KIRREL3: variants seen among roughly 807,000 people sequenced by gnomAD.
The protein encoded by KIRREL3 is kirre like nephrin family adhesion molecule 3.
In KIRREL3, 36 loss-of-function variants were observed where a neutral mutation model predicts 89.7. The ratio of observed to expected loss-of-function variants is 0.40; its 90% confidence interval spans 0.31 to 0.53. The LOEUF is 0.53. Among genes scored for constraint, KIRREL3 ranks in the 20% least tolerant of loss-of-function variants. The probability of loss-of-function intolerance (pLI) is 0.49; values close to 1 mark genes in which losing one functional copy is unlikely to be tolerated. For synonymous variants in KIRREL3, 445 were observed against 441.4 expected, an observed-to-expected ratio of 1.01 and a Z score of -0.10; for missense variants, 864 against 1,056.6, an observed-to-expected ratio of 0.82 and a Z score of 2.53.
At chr11:126,600,561 T>C (rs1942606874) in intron 1 of KIRREL3, among the ~76,000 whole-genome samples, 1 of 152,216 alleles carries the variant, frequency 6.6e-6, no homozygotes. Context: ...GTTGTGCATG[T>C]GCACCACCCA....
rs55885385 is a variant in KIRREL3 at position 126,511,047 on chromosome 11, CTGTGTGTG to C, written c.433+10260_433+10267del. Among the ~76,000 whole-genome samples, 9 of 142,266 alleles carry C rather than the reference CTGTGTGTG, an allele frequency of 6.3e-5. 1 individual carries two copies. Among genetic ancestry groups the C allele is most frequent in the African/African-American group, 2.2e-4 (8 of 36,688 alleles). 93.3% of individuals were successfully genotyped at this position (142,266 alleles called of 152,430 possible). ...CTGGGCTCCCTGGAGATCTGCAGTGCTGTGTGTGTGTGTGTGTGTGTGTGTGTGTTGGA... is the reference window on the plus strand; with the variant it reads ...CTGGGCTCCCTGGAGATCTGCAGTGCTGTGTGTGTGTGTGTGTGTGTTGGA... On this transcript the variant is annotated intron_variant, in intron 4 of 16. Coordinates refer to ENST00000525144, the MANE Select transcript of KIRREL3 (RefSeq NM_032531.4).
In KIRREL3 at chr11:126,844,449, G is replaced by T. The variant is rs1463116473; in HGVS notation, c.55+156006C>A. Reference sequence around the variant, plus strand: ...ACCTCCAACCCAAAGGAAATAGACTGCAGCACTGATTGGCAGATTTTGGGT... The same window carrying T: ...ACCTCCAACCCAAAGGAAATAGACTTCAGCACTGATTGGCAGATTTTGGGT... On this transcript the variant is annotated intron_variant, in intron 1 of 16. Coordinates refer to ENST00000525144, the MANE Select transcript of KIRREL3 (RefSeq NM_032531.4). This position sits in a 1 kb window ranked among gnomAD's most constrained non-coding sequence, Gnocchi z 4.8. Among the ~76,000 whole-genome samples, 2 of 152,162 alleles carry T rather than the reference G, an allele frequency of 1.3e-5. No homozygotes were observed. The highest frequency in any genetic ancestry group is 2.9e-5 in the Non-Finnish European group (2 of 68,026).
chr11:126,465,261 C>G (rs1956683907), intron 5 of KIRREL3, among the ~76,000 whole-genome samples: 1 of 152,026 alleles, frequency 6.6e-6, no homozygotes. Context: ...ATGGCAATGT[C>G]TCTAATTCTT....
chr11:126,830,790 T>C lies in KIRREL3; in HGVS notation c.55+169665A>G, dbSNP rs1033131896. Among the ~76,000 whole-genome samples the C allele has an allele frequency of 2.6e-5, 4 of 152,244 alleles. No individual in the cohort carries two copies. The highest frequency in any genetic ancestry group is 5.9e-5 in the Non-Finnish European group (4 of 68,038). The stretch of plus-strand genomic sequence containing the variant: ...TCCCTGTGCCAAGGAGGGGTATCAT[T>C]GTTTATGTCACTAATGACTACATCC... On this transcript the variant is annotated intron_variant, in intron 1 of 16. Coordinates refer to ENST00000525144, the MANE Select transcript of KIRREL3 (RefSeq NM_032531.4). The surrounding 1 kb of genome is among the most constrained non-coding windows in gnomAD (Gnocchi z 4.9).
intron 1 of KIRREL3, among the ~76,000 whole-genome samples, chr11:126,582,564 G>C (rs1306366982): frequency 6.6e-6 from 1 of 152,230 alleles, no homozygotes; most frequent in African/African-American, 2.4e-5. Flanking sequence ...TTCCACGGCA[G>C]GGACAGCTGA....
chr11:126,753,414 C>T (rs1487594005), intron 1 of KIRREL3, among the ~76,000 whole-genome samples: 4 of 152,186 alleles, frequency 2.6e-5, no homozygotes, highest in African/African-American at 9.7e-5. Context: ...CGGCCCCCTT[C>T]CTTAGATTAC....
chr11:126,815,195 G>A (rs925034186), intron 1 of KIRREL3, among the ~76,000 whole-genome samples: 2 of 152,166 alleles, frequency 1.3e-5, no homozygotes, highest in Admixed American at 1.3e-4. Context: ...GCTTTTACAA[G>A]TTCATTTCCA....
In KIRREL3 at chr11:126,940,111, C is replaced by T. The variant is rs1385388297; in HGVS notation, c.55+60344G>A. ...TTGAACAGATCATCAAATGCCCACT[C>T]CCCCAAGAAAAGAAGCAGTTTGGAC... On this transcript the variant is annotated intron_variant, in intron 1 of 16. Coordinates refer to ENST00000525144, the MANE Select transcript of KIRREL3 (RefSeq NM_032531.4). The surrounding 1 kb of genome is among the most constrained non-coding windows in gnomAD (Gnocchi z 4.6). 1.3e-5 allele frequency among the ~76,000 whole-genome samples: 2 copies of T among 152,132 alleles called. No homozygotes were observed. The highest frequency in any genetic ancestry group is 4.8e-5 in the African/African-American group (2 of 41,426).
At chr11:126,737,008 G>C (rs1016134800) in intron 1 of KIRREL3, among the ~76,000 whole-genome samples, 3 of 152,212 alleles carry the variant, frequency 2.0e-5, no homozygotes, top group Non-Finnish European at 4.4e-5. Context: ...TAGATTTCAG[G>C]GAAAAGCAAA....
At chr11:126,617,344 G>A (rs565361546) in intron 1 of KIRREL3, among the ~76,000 whole-genome samples, 1 of 152,306 alleles carries the variant, frequency 6.6e-6, no homozygotes, top group South Asian at 2.1e-4. Flanking sequence ...GAGAGAGCTG[G>A]GAATCACTAG....
Position 126,436,891 on chromosome 11 carries a change from G to T in KIRREL3, c.1472C>A (p.Ala491Asp). Residue 491 changes from alanine to aspartate, a missense_variant, in exon 12 of 17, where the codon GCC becomes GAC. Transcript: ENST00000525144. ...STLTISNIVR[A>D]DFQTIYNCTA... Reference sequence around the variant, plus strand: ...GCAGTTGTAGATGGTCTGGAAGTCGGCCCGCACGATGTTGCTGATGGTCAG... The same window carrying T: ...GCAGTTGTAGATGGTCTGGAAGTCGTCCCGCACGATGTTGCTGATGGTCAG... 1 of 1,613,630 alleles carries T rather than the reference G, an allele frequency of 6.2e-7. No individual in the cohort carries two copies. The highest frequency in any genetic ancestry group is 2.2e-5 in the East Asian group (1 of 44,880).
chr11:126,862,765 T>A (rs984087941), intron 1 of KIRREL3, among the ~76,000 whole-genome samples: 3 of 152,238 alleles, frequency 2.0e-5, no homozygotes, highest in Non-Finnish European at 4.4e-5. Flanking sequence ...AGTTCTGGCA[T>A]TCTATGAGCT....
In KIRREL3 at chr11:126,575,761, C is replaced by T. The variant is rs1941223453; in HGVS notation, c.56-12849G>A. Reference sequence around the variant, plus strand: ...GGCTGTCCTGGGGCCGCTGTTCCTTCTATCAGGGATTCTCACACCCCTCTC... The same window carrying T: ...GGCTGTCCTGGGGCCGCTGTTCCTTTTATCAGGGATTCTCACACCCCTCTC... On this transcript the variant is annotated intron_variant, in intron 1 of 16. Coordinates refer to ENST00000525144, the MANE Select transcript of KIRREL3 (RefSeq NM_032531.4). This position sits in a 1 kb window ranked among gnomAD's most constrained non-coding sequence, Gnocchi z 7.0. 6.6e-6 allele frequency among the ~76,000 whole-genome samples: 1 copy of T among 152,114 alleles called. No individual in the cohort carries two copies. The highest frequency in any genetic ancestry group is 1.5e-5 in the Non-Finnish European group (1 of 68,016).
intron 1 of KIRREL3, among the ~76,000 whole-genome samples, chr11:126,698,736 G>A (rs1370665271): frequency 6.6e-6 from 1 of 152,238 alleles, no homozygotes; most frequent in Non-Finnish European, 1.5e-5. Context: ...GAGGAGCGCT[G>A]CCCAGCGCCC....
Position 126,808,978 on chromosome 11 carries a change from C to A in KIRREL3, c.55+191477G>T, listed in dbSNP as rs1225218762. Among the ~76,000 whole-genome samples, 1 of 152,102 alleles carries A rather than the reference C, an allele frequency of 6.6e-6. No homozygotes were observed. The highest frequency in any genetic ancestry group is 1.9e-4 in the East Asian group (1 of 5,182). On this transcript the variant is annotated intron_variant, in intron 1 of 16. Transcript: ENST00000525144. This position sits in a 1 kb window ranked among gnomAD's most constrained non-coding sequence, Gnocchi z 4.1. ...AAATCTCTTGTTCTTTTCTTTCCCC[C>A]AAAAAACAAATGCAACTATTCTGTT...
chr11:126,966,928 T>G (rs12286362), intron 1 of KIRREL3, among the ~76,000 whole-genome samples: 3,446 of 152,240 alleles, frequency 0.023, 124 homozygotes, highest in African/African-American at 0.078. Flanking sequence ...GTAAATTAAA[T>G]AAGAAACTGT....
rs564996276 is a variant in KIRREL3, at chr11:126,443,294, G to A, written c.1252+1685C>T. On this transcript the variant is annotated intron_variant, in intron 10 of 16. Transcript: ENST00000525144. This position sits in a 1 kb window ranked among gnomAD's most constrained non-coding sequence, Gnocchi z 7.3. ...GACTTCCGAGTGCCCTGGCTGGCGCGGGCTGTGTGGAGGGCCGCTGATTTC... is the reference window on the plus strand; with the variant it reads ...GACTTCCGAGTGCCCTGGCTGGCGCAGGCTGTGTGGAGGGCCGCTGATTTC... Among the ~76,000 whole-genome samples, 207 of 152,306 alleles carry A rather than the reference G, an allele frequency of 1.4e-3. 2 individuals are homozygous for A. The highest frequency in any genetic ancestry group is 4.7e-3 in the African/African-American group (196 of 41,568).
In KIRREL3 at chr11:126,748,504, G is replaced by T. The variant is rs529824227; in HGVS notation, c.56-185592C>A. On this transcript the variant is annotated intron_variant, in intron 1 of 16. Coordinates refer to ENST00000525144, the MANE Select transcript of KIRREL3 (RefSeq NM_032531.4). This position sits in a 1 kb window ranked among gnomAD's most constrained non-coding sequence, Gnocchi z 4.6. ...GGCGTTTCAGGCCATCTCTAAACAG[G>T]CTCTGTGGAGGCGAGGCCTGGCTCC... 3.1e-4 allele frequency among the ~76,000 whole-genome samples: 47 copies of T among 152,324 alleles called. No homozygotes were observed. Among genetic ancestry groups the T allele is most frequent in the African/African-American group, 1.1e-3 (45 of 41,564 alleles).
intron 1 of KIRREL3, among the ~76,000 whole-genome samples, chr11:126,921,082 G>T (rs1947256088): frequency 6.6e-6 from 1 of 152,178 alleles, no homozygotes; most frequent in Non-Finnish European, 1.5e-5. Context: ...GAACCACAAG[G>T]CAGGGGAAGG....
Sources: allele counts gnomAD v4.1 joint callset (sites outside exome capture counted in the v4.1 genomes callset), GRCh38; gene constraint gnomAD v4.1.1; non-coding constraint Gnocchi (gnomAD v3.1); transcripts MANE v1.5; gene names NCBI Gene and HGNC (gene_info 2026-07-23, HGNC 2026-07-21).